WWOX: variants seen among roughly 807,000 people sequenced by gnomAD.
WWOX encodes the protein WW domain containing oxidoreductase.
In WWOX, 69 loss-of-function variants were observed where a neutral mutation model predicts 46.2. The observed-to-expected ratio is 1.49, with a 90% CI of 1.23 to 1.82. The LOEUF (loss-of-function observed/expected upper bound fraction) is 1.82, where lower values mean the gene tolerates loss of function less well. Among genes scored for constraint, WWOX ranks in the 40% most tolerant of loss-of-function variants. The probability of loss-of-function intolerance (pLI) is 0.00; values close to 1 mark genes in which losing one functional copy is unlikely to be tolerated. For synonymous variants in WWOX, 359 were observed against 202.6 expected (o/e 1.77, Z -6.56); for missense variants, 919 against 542.6 (o/e 1.69, Z -6.89).
At chr16:78,464,686 C>G (rs945397762) in intron 8 of WWOX, among the ~76,000 whole-genome samples, 18 of 152,034 alleles carry the variant, frequency 1.2e-4, no homozygotes, top group Non-Finnish European at 1.6e-4. Context: ...CTTACGTTGC[C>G]CCCACCCGTG....
chr16:78,759,204 G>C (rs1348163872), intron 8 of WWOX, among the ~76,000 whole-genome samples: 1 of 152,134 alleles, frequency 6.6e-6, no homozygotes, highest in South Asian at 2.1e-4. Context: ...AGAAGTGTTA[G>C]AACAGGGTAA....
intron 5 of WWOX, among the ~76,000 whole-genome samples, chr16:78,301,186 C>G (rs1169096446): frequency 6.6e-6 from 1 of 152,184 alleles, no homozygotes; most frequent in African/African-American, 2.4e-5. Context: ...AATTTGCTAA[C>G]ATAAAATAAT....
chr16:78,708,685 G>A (rs2048375858), intron 8 of WWOX, among the ~76,000 whole-genome samples: 1 of 152,196 alleles, frequency 6.6e-6, no homozygotes, highest in South Asian at 2.1e-4. Context: ...AGTGAGTTCA[G>A]TGGCTTTGCC....
At chr16:78,923,251 G>C (rs2045421181) in intron 8 of WWOX, among the ~76,000 whole-genome samples, 1 of 152,040 alleles carries the variant, frequency 6.6e-6, no homozygotes. Flanking sequence ...AAAGCACTGG[G>C]ATTACAGGCT....
chr16:78,800,683 T>TAGG (rs890628587), intron 8 of WWOX, among the ~76,000 whole-genome samples: 1 of 152,218 alleles, frequency 6.6e-6, no homozygotes, highest in Non-Finnish European at 1.5e-5. Flanking sequence ...GAAAACATTT[T>TAGG]AGGGGGTTCC....
At chr16:79,092,761 A>C (rs945300106) in intron 8 of WWOX, among the ~76,000 whole-genome samples, 5 of 152,178 alleles carry the variant, frequency 3.3e-5, no homozygotes, top group African/African-American at 1.2e-4. Flanking sequence ...CTCTGGAATT[A>C]ATGTAAACGT....
intron 8 of WWOX, among the ~76,000 whole-genome samples, chr16:78,616,337 C>T (rs767096184): frequency 1.1e-4 from 17 of 152,176 alleles, no homozygotes; most frequent in South Asian, 4.2e-4. Flanking sequence ...CTCACAATTC[C>T]GGAGGCTGAG....
At chr16:78,407,713 A>T (rs1234467702) in intron 6 of WWOX, among the ~76,000 whole-genome samples, 1 of 152,136 alleles carries the variant, frequency 6.6e-6, no homozygotes, top group Non-Finnish European at 1.5e-5. Context: ...CTCCAGCTTC[A>T]GTGATATATT....
intron 8 of WWOX, among the ~76,000 whole-genome samples, chr16:78,454,726 A>G (rs74658994): frequency 0.012 from 1,849 of 152,198 alleles, 37 homozygotes; most frequent in African/African-American, 0.042. Context: ...CGAACTCTCA[A>G]CGTCAGGTGA....
chr16:78,818,718 C>G, intron 8 of WWOX, among the ~76,000 whole-genome samples: 1 of 152,346 alleles, frequency 6.6e-6, no homozygotes, highest in South Asian at 2.1e-4. Context: ...GTTTTGAGTG[C>G]TGCCTCTACC....
At chr16:78,101,963 G>A (rs1179881431) in intron 1 of WWOX, among the ~76,000 whole-genome samples, 2 of 152,026 alleles carry the variant, frequency 1.3e-5, no homozygotes, top group Non-Finnish European at 2.9e-5. Context: ...TAGGTAGTTG[G>A]GGGGGTCGTG....
At chr16:78,854,928 A>G (rs1597725567) in intron 8 of WWOX, among the ~76,000 whole-genome samples, 2 of 151,310 alleles carry the variant, frequency 1.3e-5, no homozygotes, top group Admixed American at 6.6e-5. Flanking sequence ...TTTTTTAACA[A>G]AACTTTAAAA....
intron 8 of WWOX, among the ~76,000 whole-genome samples, chr16:78,672,623 A>T (rs184705747): frequency 3.9e-5 from 6 of 152,354 alleles, no homozygotes; most frequent in South Asian, 2.1e-4. Context: ...GCAGAACCAG[A>T]TCTTACCATT....
chr16:78,879,118 C>G (rs1597097498), intron 8 of WWOX, among the ~76,000 whole-genome samples: 1 of 151,990 alleles, frequency 6.6e-6, no homozygotes, highest in Non-Finnish European at 1.5e-5. Flanking sequence ...TTCTGTAATC[C>G]TAAGTACTTG....
intron 8 of WWOX, among the ~76,000 whole-genome samples, chr16:79,087,838 C>G (rs2048881620): frequency 6.6e-6 from 1 of 152,106 alleles, no homozygotes; most frequent in Non-Finnish European, 1.5e-5. Flanking sequence ...CATGTATGCT[C>G]AAGGGGACCA....
At chr16:78,853,266 G>A (rs954895388) in intron 8 of WWOX, among the ~76,000 whole-genome samples, 1 of 152,020 alleles carries the variant, frequency 6.6e-6, no homozygotes, top group African/African-American at 2.4e-5. Context: ...TGTCATCCAG[G>A]CTGGAGTGCA....
intron 8 of WWOX, among the ~76,000 whole-genome samples, chr16:78,931,635 T>G (rs1302728909): frequency 6.6e-6 from 1 of 152,196 alleles, no homozygotes; most frequent in Non-Finnish European, 1.5e-5. Context: ...TAAAATATAG[T>G]GCAGAATATG....
intron 8 of WWOX, among the ~76,000 whole-genome samples, chr16:78,865,858 G>T (rs371335113): frequency 2.0e-5 from 3 of 152,178 alleles, no homozygotes; most frequent in Non-Finnish European, 4.4e-5. Context: ...CAGCCTGGGC[G>T]ATGAGTGAAA....
intron 1 of WWOX, among the ~76,000 whole-genome samples, chr16:78,103,608 C>T (rs1198158382): frequency 2.0e-5 from 3 of 152,110 alleles, no homozygotes; most frequent in African/African-American, 7.2e-5. Context: ...AGCATCCTGG[C>T]CCTTCTTTTC....
Sources: allele counts gnomAD v4.1 joint callset (sites outside exome capture counted in the v4.1 genomes callset), GRCh38; gene constraint gnomAD v4.1.1; transcripts MANE v1.5; gene names NCBI Gene and HGNC (gene_info 2026-07-23, HGNC 2026-07-21).